Variants in ANO6 observed in about 807,000 individuals in gnomAD.
ANO6 encodes anoctamin-6.
A neutral mutation model predicts 117.5 loss-of-function variants in ANO6; 106 were observed. That is an observed-to-expected ratio of 0.90 (90% CI 0.77 to 1.06). The LOEUF (loss-of-function observed/expected upper bound fraction) is 1.06, where lower values mean the gene tolerates loss of function less well. Ranked by LOEUF, ANO6 falls within the 50% of genes least tolerant of loss-of-function variation. The pLI, the probability that ANO6 is intolerant of heterozygous loss-of-function variation, is 0.00. For missense variants in ANO6, 955 were observed against 1,121.1 expected (o/e 0.85, Z 2.12); for synonymous variants, 367 against 385.1 (o/e 0.95, Z 0.55).
At chr12:45,318,713 G>A (rs1183811850) in intron 2 of ANO6, among the ~76,000 whole-genome samples, 1 of 152,070 alleles carries the variant, frequency 6.6e-6, no homozygotes, top group African/African-American at 2.4e-5. Context: ...ATTACCTTGG[G>A]CAGTATGGCC....
chr12:45,262,943 G>A (rs1382513160), intron 1 of ANO6, among the ~76,000 whole-genome samples: 1 of 152,146 alleles, frequency 6.6e-6, no homozygotes, highest in Non-Finnish European at 1.5e-5. Flanking sequence ...GGAGGAAATG[G>A]CCAATTAGTA....
chr12:45,308,372 T>C (rs927080717), intron 2 of ANO6, among the ~76,000 whole-genome samples: 4 of 151,968 alleles, frequency 2.6e-5, no homozygotes, highest in East Asian at 1.9e-4. Context: ...GTAGATTTGA[T>C]AGGAGATTGC....
intron 8 of ANO6, among the ~76,000 whole-genome samples, chr12:45,358,909 T>A (rs1441791315): frequency 6.6e-6 from 1 of 151,972 alleles, no homozygotes; most frequent in African/African-American, 2.4e-5. Flanking sequence ...CTCAGCCTCC[T>A]GAGTAGCTGG....
chr12:45,403,048 T>TA (rs1420179177), intron 13 of ANO6, 24 bp from the exon 14 acceptor site: 13 of 1,611,250 alleles, frequency 8.1e-6, no homozygotes, highest in South Asian at 7.7e-5. Flanking sequence ...TTTAAAATCT[T>TA]ATTTCTCTTT....
chr12:45,246,597 A>G (rs1287735181), intron 1 of ANO6, among the ~76,000 whole-genome samples: 1 of 152,102 alleles, frequency 6.6e-6, no homozygotes, highest in African/African-American at 2.4e-5. Context: ...AACTAACCTA[A>G]TGGCATAGAT....
intron 16 of ANO6, 123 bp from the exon 17 acceptor site, chr12:45,416,576 T>G (rs947197821): frequency 1.2e-6 from 1 of 834,808 alleles, no homozygotes; most frequent in Non-Finnish European, 2.0e-6. Context: ...AAATTATTAT[T>G]TACCACAGAT....
intron 1 of ANO6, among the ~76,000 whole-genome samples, chr12:45,248,608 A>G (rs1486316933): frequency 2.0e-5 from 3 of 151,630 alleles, no homozygotes; most frequent in African/African-American, 4.9e-5. Context: ...TAATTTTTGT[A>G]TTTGTAGTAG....
At chr12:45,333,952 T>C (rs1940751264) in intron 3 of ANO6, among the ~76,000 whole-genome samples, 1 of 152,064 alleles carries the variant, frequency 6.6e-6, no homozygotes. Context: ...CTAAAGGATA[T>C]TGTTAAACAC....
chr12:45,328,530 C>T (rs1258945381), intron 2 of ANO6, among the ~76,000 whole-genome samples: 1 of 152,114 alleles, frequency 6.6e-6, no homozygotes, highest in East Asian at 1.9e-4. Flanking sequence ...GATGCCTGAG[C>T]TCTGCAACAG....
At chr12:45,405,726 A>C (rs899388985) in intron 15 of ANO6, among the ~76,000 whole-genome samples, 2 of 152,200 alleles carry the variant, frequency 1.3e-5, no homozygotes, top group Non-Finnish European at 2.9e-5. Context: ...CCTGACCAAC[A>C]TGGAGAAACC....
At position 45,229,390 on chromosome 12, in the gene ANO6, G is replaced by GTTT. The variant is rs11422062; in HGVS notation, c.70+13014_70+13016dup. 1.1e-3 allele frequency among the ~76,000 whole-genome samples: 137 copies of GTTT among 127,290 alleles called. 4 individuals carry two copies. Among genetic ancestry groups the GTTT allele is most frequent in the Middle Eastern group, 4.3e-3 (1 of 234 alleles). 83.5% of individuals were successfully genotyped at this position (127,290 alleles called of 152,430 possible). ...ATCTCCTCAGTTTTTTTTATTTTTAGTTTTTTTTTTTTTTTTTGAGACAGT... is the reference window on the plus strand; with the variant it reads ...ATCTCCTCAGTTTTTTTTATTTTTAGTTTTTTTTTTTTTTTTTTTTGAGACAGT... On this transcript the variant is annotated intron_variant, in intron 1 of 19. Coordinates refer to ENST00000320560, the MANE Select transcript of ANO6 (RefSeq NM_001025356.3).
chr12:45,367,382 C>T (rs916052906), intron 8 of ANO6, among the ~76,000 whole-genome samples: 6 of 152,190 alleles, frequency 3.9e-5, no homozygotes, highest in Non-Finnish European at 8.8e-5. Context: ...TCTCTTTCTT[C>T]CTGGCCTATC....
downstream of ANO6, among the ~76,000 whole-genome samples, chr12:45,434,252 T>C (rs936429162): frequency 2.0e-5 from 3 of 152,172 alleles, no homozygotes; most frequent in Admixed American, 2.0e-4. Context: ...TACCCTGCCA[T>C]TACTTTCTTT....
intron 2 of ANO6, among the ~76,000 whole-genome samples, chr12:45,309,672 A>G (rs994478092): frequency 7.5e-6 from 1 of 133,726 alleles, no homozygotes; most frequent in Non-Finnish European, 1.6e-5. Context: ...TTTATGGTCA[A>G]TCCAAGACCT....
chr12:45,431,208 A>G lies in ANO6; in HGVS notation c.*1897A>G, dbSNP rs1172322988. On this transcript the variant is annotated 3_prime_UTR_variant, in exon 20 of 20. Coordinates refer to ENST00000320560, the MANE Select transcript of ANO6 (RefSeq NM_001025356.3). ...AGTCTGACTGCACTGGGATGGAGAAATGAATTTCTTCCCACTGAAGGAAAC... is the reference window on the plus strand; with the variant it reads ...AGTCTGACTGCACTGGGATGGAGAAGTGAATTTCTTCCCACTGAAGGAAAC... The G allele has an allele frequency of 1.0e-6, 1 of 985,230 alleles. No individual in the cohort carries two copies. The highest frequency in any genetic ancestry group is 1.2e-6 in the Non-Finnish European group (1 of 829,918). The allele number at this position is 985,230 out of a possible 1,614,324, so 61.0% of individuals were successfully genotyped here.
At chr12:45,268,298 A>G (rs1461630164) in intron 1 of ANO6, among the ~76,000 whole-genome samples, 1 of 152,214 alleles carries the variant, frequency 6.6e-6, no homozygotes, top group Admixed American at 6.5e-5. Flanking sequence ...AGGCAGGCAG[A>G]TCACTTGAGG....
chr12:45,311,722 C>T (rs1367569176), intron 2 of ANO6, among the ~76,000 whole-genome samples: 1 of 151,962 alleles, frequency 6.6e-6, no homozygotes, highest in Non-Finnish European at 1.5e-5. Flanking sequence ...AGATGAAATA[C>T]AGATGAAATG....
chr12:45,318,480 G>C (rs181460252), intron 2 of ANO6, among the ~76,000 whole-genome samples: 1 of 152,060 alleles, frequency 6.6e-6, no homozygotes, highest in East Asian at 1.9e-4. Flanking sequence ...TCCATTGGTC[G>C]ATATCTCTGT....
rs375402393 is a variant in ANO6, at chr12:45,219,448, A to G, written c.70+3057A>G. 7.3e-5 allele frequency among the ~76,000 whole-genome samples: 11 copies of G among 150,820 alleles called. No homozygotes were observed. The East Asian group carries it at 9.8e-4, about 13-fold the overall frequency. On this transcript the variant is annotated intron_variant, in intron 1 of 19. Transcript: ENST00000320560. ...CTTCCCAGGCTCAAGCAATTCTCCA[A>G]CCTTAGCCTCTTGAGTAGCTGGGAC...
Sources: allele counts gnomAD v4.1 joint callset (sites outside exome capture counted in the v4.1 genomes callset), GRCh38; gene constraint gnomAD v4.1.1; transcripts MANE v1.5; gene names NCBI Gene and HGNC (gene_info 2026-07-23, HGNC 2026-07-21).